NRXN3: variants seen among roughly 807,000 people sequenced by gnomAD.
The protein encoded by NRXN3 is neurexin 3, also known as neurexin III.
A neutral mutation model predicts 137.6 loss-of-function variants in NRXN3; 32 were observed. The ratio of observed to expected loss-of-function variants is 0.23; its 90% CI spans 0.18 to 0.31. The LOEUF is 0.31. Ranked by LOEUF, NRXN3 falls within the 10% of genes least tolerant of loss-of-function variation. NRXN3 has a pLI of 1.00. For missense variants in NRXN3, 1,574 were observed against 2,062.5 expected (o/e 0.76, Z 4.59); for synonymous variants, 798 against 784.5 (o/e 1.02, Z -0.29).
chr14:78,797,963 C>T lies in NRXN3; in HGVS notation c.2045-5657C>T, dbSNP rs1004262414. On this transcript the variant is annotated intron_variant, in intron 8 of 20. Transcript: ENST00000335750. ...CAATTATCTCCCACCAGGTCCCTCC[C>T]ACAGATGCGGGAATTATGAGAGCTA... Among the ~76,000 whole-genome samples, 4 of 152,154 alleles carry T rather than the reference C, an allele frequency of 2.6e-5. No homozygotes were observed. In the East Asian group the frequency reaches 7.7e-4, roughly 29 times the overall value.
chr14:78,709,155 G>A, intron 6 of NRXN3, 62 bp from the exon 7 acceptor site: 4 of 1,495,278 alleles, frequency 2.7e-6, no homozygotes, highest in Non-Finnish European at 3.6e-6. Context: ...TGCCCAGTGA[G>A]TGATGGATGG....
intron 20 of NRXN3, among the ~76,000 whole-genome samples, chr14:79,841,381 C>A (rs973297752): frequency 2.6e-5 from 4 of 152,136 alleles, no homozygotes; most frequent in African/African-American, 7.2e-5. Flanking sequence ...TGCTACCACC[C>A]AACGGGATCC....
intron 4 of NRXN3, among the ~76,000 whole-genome samples, chr14:78,548,139 G>A (rs548895559): frequency 6.6e-6 from 1 of 151,500 alleles, no homozygotes; most frequent in South Asian, 2.1e-4. Context: ...AATAGTTGGT[G>A]TAAATATCAG....
chr14:79,059,250 C>CTTTTTTTTTTTTT (rs869266975), intron 15 of NRXN3, among the ~76,000 whole-genome samples: 17 of 78,278 alleles, frequency 2.2e-4, no homozygotes, highest in African/African-American at 7.1e-4. Context: ...AGGCCCTATT[C>CTTTTTTTTTTTTT]TTTTTTTTTT....
At chr14:79,605,597 C>T (rs769707853) in intron 16 of NRXN3, among the ~76,000 whole-genome samples, 4 of 152,152 alleles carry the variant, frequency 2.6e-5, no homozygotes, top group Admixed American at 2.0e-4. Context: ...AAGCAATTCT[C>T]CTGCCTCAGC....
intron 4 of NRXN3, among the ~76,000 whole-genome samples, chr14:78,389,751 T>A (rs2153639703): frequency 6.6e-6 from 1 of 152,280 alleles, no homozygotes; most frequent in African/African-American, 2.4e-5. Flanking sequence ...TTTTTTTCTC[T>A]AGTTAAAACT....
intron 16 of NRXN3, among the ~76,000 whole-genome samples, chr14:79,657,201 T>C (rs1431398517): frequency 6.6e-6 from 1 of 152,306 alleles, no homozygotes; most frequent in Admixed American, 6.5e-5. Context: ...TAGACAAAGC[T>C]TGAGCCATGG....
chr14:78,905,674 G>A (rs1052274377), intron 10 of NRXN3, among the ~76,000 whole-genome samples: 1 of 151,788 alleles, frequency 6.6e-6, no homozygotes, highest in African/African-American at 2.4e-5. Context: ...GTTTGATCTT[G>A]GTAAGGTAAA....
chr14:79,428,953 T>G (rs1024239756), intron 15 of NRXN3, among the ~76,000 whole-genome samples: 3 of 152,204 alleles, frequency 2.0e-5, no homozygotes, highest in Non-Finnish European at 2.9e-5. Flanking sequence ...TTTTATAGAT[T>G]GTTAGACTAT....
chr14:79,695,666 C>T (rs923951079), intron 18 of NRXN3, among the ~76,000 whole-genome samples: 1 of 144,708 alleles, frequency 6.9e-6, no homozygotes, highest in East Asian at 2.0e-4. Flanking sequence ...CTGTCATCAA[C>T]AATAAACAGT....
chr14:79,695,637 GAAAA>G (rs10585470), intron 18 of NRXN3, among the ~76,000 whole-genome samples: 46 of 88,198 alleles, frequency 5.2e-4, no homozygotes, highest in African/African-American at 1.2e-3. Flanking sequence ...AGGGCTTCCA[GAAAA>G]AAAAAAAAAA....
intron 19 of NRXN3, among the ~76,000 whole-genome samples, chr14:79,743,888 T>A (rs186267812): frequency 2.6e-4 from 40 of 152,316 alleles, no homozygotes; most frequent in African/African-American, 9.6e-4. Context: ...AATATTCAAT[T>A]TATATGTAAG....
intron 4 of NRXN3, among the ~76,000 whole-genome samples, chr14:78,488,446 G>A (rs1203965956): frequency 6.6e-6 from 1 of 152,128 alleles, no homozygotes; most frequent in Non-Finnish European, 1.5e-5. Flanking sequence ...TTGCATTTAG[G>A]TATAGTCGTA....
chr14:78,816,332 G>A (rs1028438753), intron 10 of NRXN3, among the ~76,000 whole-genome samples: 3 of 152,084 alleles, frequency 2.0e-5, no homozygotes, highest in African/African-American at 7.2e-5. Flanking sequence ...TCTTTCAGGG[G>A]TAGCCTATGA....
intron 4 of NRXN3, among the ~76,000 whole-genome samples, chr14:78,358,681 G>T (rs2084680753): frequency 6.6e-6 from 1 of 152,208 alleles, no homozygotes; most frequent in Non-Finnish European, 1.5e-5. Context: ...CAGCTAGGAT[G>T]CTTGGATGAT....
At chr14:78,460,260 G>T (rs2094882902) in intron 4 of NRXN3, among the ~76,000 whole-genome samples, 1 of 152,216 alleles carries the variant, frequency 6.6e-6, no homozygotes, top group African/African-American at 2.4e-5. Context: ...GTCTTTTGGG[G>T]TTTTTGTGGA....
intron 4 of NRXN3, among the ~76,000 whole-genome samples, chr14:78,546,285 A>G (rs941820336): frequency 3.9e-5 from 6 of 152,198 alleles, no homozygotes; most frequent in African/African-American, 1.4e-4. Flanking sequence ...TTTCATTGTT[A>G]TTTTAATTTG....
chr14:79,691,923 G>T (rs2098718203), intron 17 of NRXN3, among the ~76,000 whole-genome samples: 1 of 151,916 alleles, frequency 6.6e-6, no homozygotes, highest in Non-Finnish European at 1.5e-5. Context: ...TTCCGTAAAC[G>T]GCCAGACCTC....
intron 15 of NRXN3, among the ~76,000 whole-genome samples, chr14:79,254,500 A>G (rs2076327242): frequency 7.0e-6 from 1 of 143,262 alleles, no homozygotes; most frequent in Non-Finnish European, 1.5e-5. Flanking sequence ...GCTCAAGCAG[A>G]AAAAATGGGA....
Sources: allele counts gnomAD v4.1 joint callset (sites outside exome capture counted in the v4.1 genomes callset), GRCh38; gene constraint gnomAD v4.1.1; transcripts MANE v1.5; gene names NCBI Gene and HGNC (gene_info 2026-07-23, HGNC 2026-07-21).